The following GULP1 variants were observed in gnomAD, a reference collection of about 807,000 sequenced individuals.
GULP1 encodes PTB domain-containing engulfment adapter protein 1.
GULP1 carries 19 observed loss-of-function variants against 40.9 expected under a neutral mutation model. The observed-to-expected ratio is 0.46, with a 90% CI of 0.32 to 0.68. The LOEUF (loss-of-function observed/expected upper bound fraction) is 0.68, where lower values mean the gene tolerates loss of function less well. Ranked by LOEUF, GULP1 falls within the 30% of genes least tolerant of loss-of-function variation. The probability of loss-of-function intolerance (pLI) is 0.03; values close to 1 mark genes in which losing one functional copy is unlikely to be tolerated. For missense variants in GULP1, 312 were observed against 362.2 expected, an observed-to-expected ratio of 0.86 and a Z score of 1.12; for synonymous variants, 119 against 117.6, an observed-to-expected ratio of 1.01 and a Z score of -0.08.
At chr2:188,419,995 A>G (rs577487646) in intron 2 of GULP1, among the ~76,000 whole-genome samples, 19 of 152,130 alleles carry the variant, frequency 1.2e-4, no homozygotes, top group Non-Finnish European at 2.6e-4. Context: ...ACCCAGATCA[A>G]TTGACTATAT....
intron 2 of GULP1, among the ~76,000 whole-genome samples, chr2:188,474,629 T>G (rs1338987171): frequency 1.3e-5 from 2 of 152,192 alleles, no homozygotes; most frequent in African/African-American, 4.8e-5. Context: ...GAACTGTTCC[T>G]TCTACCTTTT....
chr2:188,423,376 T>C (rs2055723418), intron 2 of GULP1, among the ~76,000 whole-genome samples: 1 of 152,020 alleles, frequency 6.6e-6, no homozygotes, highest in South Asian at 2.1e-4. Flanking sequence ...TCCTAGGCAA[T>C]ATAGGTAATG....
intron 7 of GULP1, among the ~76,000 whole-genome samples, chr2:188,567,835 G>A (rs537708306): frequency 1.3e-5 from 2 of 152,156 alleles, no homozygotes; most frequent in South Asian, 4.2e-4. Flanking sequence ...CCAAAGTTTT[G>A]AAATGAGAAA....
intron 2 of GULP1, among the ~76,000 whole-genome samples, chr2:188,415,416 G>A: frequency 6.6e-6 from 1 of 151,998 alleles, no homozygotes; most frequent in Non-Finnish European, 1.5e-5. Context: ...TGGAGATACT[G>A]AAAAGTTTAA....
chr2:188,377,957 G>A (rs980767690), intron 1 of GULP1, among the ~76,000 whole-genome samples: 22 of 152,134 alleles, frequency 1.4e-4, no homozygotes, highest in African/African-American at 5.1e-4. Context: ...ACAAAGTATT[G>A]TAATTATATA....
intron 2 of GULP1, among the ~76,000 whole-genome samples, chr2:188,429,560 G>A (rs1451898196): frequency 6.6e-6 from 1 of 152,128 alleles, no homozygotes; most frequent in Non-Finnish European, 1.5e-5. Flanking sequence ...AGTTAGGTGT[G>A]TACCTACGGG....
At chr2:188,447,573 A>T (rs963672660) in intron 2 of GULP1, among the ~76,000 whole-genome samples, 2 of 152,186 alleles carry the variant, frequency 1.3e-5, no homozygotes, top group African/African-American at 4.8e-5. Flanking sequence ...TAACATTCTG[A>T]TCCCACTACT....
chr2:188,528,601 A>C (rs984760689), intron 5 of GULP1, among the ~76,000 whole-genome samples: 2 of 152,096 alleles, frequency 1.3e-5, no homozygotes, highest in Non-Finnish European at 2.9e-5. Flanking sequence ...AATTACTTCA[A>C]TTCTTAGCTT....
intron 2 of GULP1, among the ~76,000 whole-genome samples, chr2:188,446,336 C>A (rs1163539059): frequency 6.6e-6 from 1 of 152,082 alleles, no homozygotes; most frequent in African/African-American, 2.4e-5. Flanking sequence ...TATTTACCAA[C>A]CCTGGAACCA....
chr2:188,527,945 A>G (rs1020553618), intron 5 of GULP1, among the ~76,000 whole-genome samples: 3 of 152,178 alleles, frequency 2.0e-5, no homozygotes, highest in Non-Finnish European at 2.9e-5. Flanking sequence ...CTTGCATTAC[A>G]TGTCATCAAT....
At chr2:188,310,478 A>G (rs72907614) in intron 1 of GULP1, among the ~76,000 whole-genome samples, 1,742 of 152,336 alleles carry the variant, frequency 0.011, 14 homozygotes, top group Non-Finnish European at 0.02. Flanking sequence ...GTAAATTGCA[A>G]GCTTGCTTGG....
chr2:188,580,691 C>T (rs1701134003), intron 9 of GULP1, among the ~76,000 whole-genome samples: 1 of 152,170 alleles, frequency 6.6e-6, no homozygotes, highest in Non-Finnish European at 1.5e-5. Flanking sequence ...TCAATTTAAT[C>T]TCTCACTTTA....
At chr2:188,440,355 C>A (rs1467991964) in intron 2 of GULP1, among the ~76,000 whole-genome samples, 1 of 152,126 alleles carries the variant, frequency 6.6e-6, no homozygotes, top group Non-Finnish European at 1.5e-5. Flanking sequence ...CTAAAACATA[C>A]CTATTTTAAA....
At chr2:188,355,307 A>G (rs926608165) in intron 1 of GULP1, among the ~76,000 whole-genome samples, 1 of 152,076 alleles carries the variant, frequency 6.6e-6, no homozygotes, top group African/African-American at 2.4e-5. Context: ...AAAAAAGGAG[A>G]AAAGACCAAA....
At chr2:188,548,521 C>CAA (rs1692558034) in intron 7 of GULP1, among the ~76,000 whole-genome samples, 1 of 152,024 alleles carries the variant, frequency 6.6e-6, no homozygotes, top group South Asian at 2.1e-4. Context: ...AGATTTAACA[C>CAA]AATTCCTGTC....
chr2:188,384,029 TA>T, intron 2 of GULP1, 140 bp downstream of exon 2: 1 of 152,278 alleles, frequency 6.6e-6, no homozygotes, highest in Admixed American at 6.5e-5. Context: ...AAAAGTAAAA[TA>T]AAATTAAAAG....
intron 1 of GULP1, among the ~76,000 whole-genome samples, chr2:188,365,235 C>T (rs576583878): frequency 1.9e-4 from 28 of 146,838 alleles, no homozygotes; most frequent in Non-Finnish European, 3.0e-4. Flanking sequence ...GTCCTATACT[C>T]CTGCCCTGCC....
At chr2:188,593,904 C>A in intron 11 of GULP1, 36 bp from the exon 12 acceptor site, 1 of 1,113,326 alleles carries the variant, frequency 9.0e-7, no homozygotes, top group Non-Finnish European at 1.4e-6. Context: ...TTGCTGTAAG[C>A]ATTTCAGATA....
intron 2 of GULP1, among the ~76,000 whole-genome samples, chr2:188,424,530 A>G (rs990756954): frequency 6.6e-6 from 1 of 151,984 alleles, no homozygotes; most frequent in African/African-American, 2.4e-5. Context: ...TTTCTAAAAA[A>G]GAAAACTATT....
Sources: allele counts gnomAD v4.1 joint callset (sites outside exome capture counted in the v4.1 genomes callset), GRCh38; gene constraint gnomAD v4.1.1; transcripts MANE v1.5; gene names NCBI Gene and HGNC (gene_info 2026-07-23, HGNC 2026-07-21).